Variants in KCNN2 observed in about 807,000 individuals in gnomAD.
The protein encoded by KCNN2 is small conductance calcium-activated potassium channel protein 2.
Under a neutral mutation model 55.5 loss-of-function variants are expected in KCNN2, and 24 were observed. The observed-to-expected ratio is 0.43, with a 90% confidence interval of 0.31 to 0.61. The LOEUF (loss-of-function observed/expected upper bound fraction) is 0.61. KCNN2 is among the 20% of genes least tolerant of loss of function. The pLI, the probability that KCNN2 is intolerant of heterozygous loss-of-function variation, is 0.08. For missense variants in KCNN2, 754 were observed against 853.6 expected (o/e 0.88, Z 1.45); for synonymous variants, 431 against 336.1 (o/e 1.28, Z -3.09).
chr5:114,443,217 G>T (rs912847588), intron 3 of KCNN2, among the ~76,000 whole-genome samples: 1 of 151,990 alleles, frequency 6.6e-6, no homozygotes, highest in Admixed American at 6.6e-5. Context: ...CTTGAACGCA[G>T]GAGGGGGAGG....
intron 2 of KCNN2, among the ~76,000 whole-genome samples, chr5:114,322,325 ATTGT>A (rs1405539898): frequency 2.0e-5 from 3 of 152,202 alleles, no homozygotes; most frequent in African/African-American, 4.8e-5. Context: ...AAGGCTTGTA[ATTGT>A]TTGTAATGAT....
chr5:114,378,794 T>A (rs1415649748), intron 2 of KCNN2, among the ~76,000 whole-genome samples: 2 of 152,146 alleles, frequency 1.3e-5, no homozygotes, highest in African/African-American at 4.8e-5. Context: ...TCGGTGTGGC[T>A]TGCCTCAATC....
At chr5:114,405,091 G>A (rs1355312714) in intron 3 of KCNN2, among the ~76,000 whole-genome samples, 1 of 152,166 alleles carries the variant, frequency 6.6e-6, no homozygotes. Flanking sequence ...GTAGAGGGCT[G>A]CCTTTATAAT....
At chr5:114,492,367 T>G in intron 6 of KCNN2, among the ~76,000 whole-genome samples, 1 of 152,278 alleles carries the variant, frequency 6.6e-6, no homozygotes, top group Non-Finnish European at 1.5e-5. Context: ...GTAAAATGAC[T>G]TGTCATCAAA....
chr5:114,087,294 G>A (rs1450649771), intron 1 of KCNN2, among the ~76,000 whole-genome samples: 1 of 151,994 alleles, frequency 6.6e-6, no homozygotes, highest in Non-Finnish European at 1.5e-5. Flanking sequence ...GATCCCACTT[G>A]TCAATTTTTG....
intron 1 of KCNN2, among the ~76,000 whole-genome samples, chr5:114,116,973 AT>A (rs1327922665): frequency 6.6e-6 from 1 of 152,148 alleles, no homozygotes; most frequent in African/African-American, 2.4e-5. Context: ...GTCTTGTTTG[AT>A]AATGGTCATT....
chr5:114,161,076 G>C (rs1019123631), intron 1 of KCNN2, among the ~76,000 whole-genome samples: 1 of 152,182 alleles, frequency 6.6e-6, no homozygotes, highest in Non-Finnish European at 1.5e-5. Flanking sequence ...TTGCTCGTTA[G>C]TTGATGCAGT....
intron 2 of KCNN2, among the ~76,000 whole-genome samples, chr5:114,222,460 A>G (rs1368249925): frequency 2.0e-5 from 3 of 152,220 alleles, no homozygotes; most frequent in Non-Finnish European, 4.4e-5. Flanking sequence ...CTTTAGGGCT[A>G]TATTTGATTC....
At chr5:114,408,016 C>T (rs887678374) in intron 3 of KCNN2, among the ~76,000 whole-genome samples, 1 of 152,144 alleles carries the variant, frequency 6.6e-6, no homozygotes, top group South Asian at 2.1e-4. Flanking sequence ...CCTGTCCTCC[C>T]TTTCGAAACT....
intron 2 of KCNN2, among the ~76,000 whole-genome samples, chr5:114,275,295 C>CT (rs992542657): frequency 3.9e-5 from 6 of 152,036 alleles, no homozygotes; most frequent in African/African-American, 1.2e-4. Flanking sequence ...CTAAAATTCT[C>CT]TTTTTTTGTT....
intron 1 of KCNN2, 31 bp downstream of exon 1, chr5:114,363,292 G>A: frequency 6.5e-7 from 1 of 1,547,066 alleles, no homozygotes; most frequent in Non-Finnish European, 8.7e-7. Flanking sequence ...CCACGCTACC[G>A]GAGTCGGGCA....
chr5:114,213,446 T>C (rs1261765258), intron 1 of KCNN2, among the ~76,000 whole-genome samples: 1 of 151,844 alleles, frequency 6.6e-6, no homozygotes, highest in African/African-American at 2.4e-5. Context: ...TTTAATTCAG[T>C]ACATCCTCCA....
At chr5:114,284,989 A>G (rs1178903218) in intron 2 of KCNN2, among the ~76,000 whole-genome samples, 1 of 151,686 alleles carries the variant, frequency 6.6e-6, no homozygotes, top group Non-Finnish European at 1.5e-5. Flanking sequence ...CCTTGGGCAG[A>G]GTAAGTTGGC....
chr5:114,275,283 G>T (rs1327152660), intron 2 of KCNN2, among the ~76,000 whole-genome samples: 2 of 152,104 alleles, frequency 1.3e-5, no homozygotes, highest in Non-Finnish European at 2.9e-5. Flanking sequence ...AGGGATATTG[G>T]CCTAAAATTC....
chr5:114,271,906 G>A lies in KCNN2; in HGVS notation c.-185+50341G>A, dbSNP rs529435803. Among the ~76,000 whole-genome samples, 6 of 152,160 alleles carry A rather than the reference G, an allele frequency of 3.9e-5. No individual in the cohort carries two copies. The South Asian group carries it at 1.2e-3, about 32-fold the overall frequency. On this transcript the variant is annotated intron_variant, in intron 2 of 10. Transcript: ENST00000512097. The stretch of plus-strand genomic sequence containing the variant: ...AAATATGGATGGTTATCATACTAAG[G>A]TCCTAGGGAGGAACTATTGTGCTAA...
chr5:114,494,302 TCAAGTATAATCCATAAAAATTA>T lies in KCNN2; in HGVS notation c.2088+838_2088+859del, dbSNP rs1748006250. Among the ~76,000 whole-genome samples the T allele has an allele frequency of 4.0e-5, 6 of 151,432 alleles. No homozygotes were observed. The South Asian group carries it at 1.0e-3, about 26-fold the overall frequency. On this transcript the variant is annotated intron_variant, in intron 7 of 7. Coordinates refer to ENST00000673685, the MANE Select transcript of KCNN2 (RefSeq NM_021614.4). ...AATCAGACATGACTTTGCTAAAGCCTCAAGTATAATCCATAAAAATTACAAGTATTTGTCCTAGTCTCATTAA... is the reference window on the plus strand; with the variant it reads ...AATCAGACATGACTTTGCTAAAGCCTCAAGTATTTGTCCTAGTCTCATTAA...
At chr5:114,345,460 C>T (rs1456660344) in intron 2 of KCNN2, among the ~76,000 whole-genome samples, 3 of 151,984 alleles carry the variant, frequency 2.0e-5, no homozygotes, top group Admixed American at 1.3e-4. Flanking sequence ...TTTCACAAAC[C>T]CCAAAAGACA....
intron 5 of KCNN2, among the ~76,000 whole-genome samples, chr5:114,479,268 G>C (rs1270767469): frequency 1.3e-5 from 2 of 149,728 alleles, no homozygotes; most frequent in African/African-American, 4.9e-5. Flanking sequence ...GGAAATCCTA[G>C]TTCCTGACAA....
chr5:114,218,051 A>G (rs1754044944), intron 1 of KCNN2, among the ~76,000 whole-genome samples: 1 of 152,202 alleles, frequency 6.6e-6, no homozygotes, highest in Admixed American at 6.5e-5. Flanking sequence ...ACATACCACT[A>G]CACAAGTACT....
Sources: gnomAD v4.1 joint callset for allele counts (sites outside exome capture counted in the v4.1 genomes callset) on GRCh38, gnomAD v4.1.1 for gene constraint, MANE v1.5 for transcripts, NCBI Gene and HGNC (gene_info 2026-07-23, HGNC 2026-07-21) for gene names.